Variants in LPIN1 observed in about 807,000 individuals in gnomAD.
LPIN1 encodes the protein phosphatidate phosphatase LPIN1.
In LPIN1, 71 loss-of-function variants were observed where a neutral mutation model predicts 107.5. That is an observed-to-expected ratio of 0.66 (90% CI 0.55 to 0.80). The LOEUF (loss-of-function observed/expected upper bound fraction) is 0.80. LPIN1 is among the 30% of genes least tolerant of loss of function. The probability of loss-of-function intolerance (pLI) is 0.00; values close to 1 mark genes in which losing one functional copy is unlikely to be tolerated. For synonymous variants in LPIN1, 445 were observed against 452.6 expected (o/e 0.98, Z 0.21); for missense variants, 1,043 against 1,160.6 (o/e 0.90, Z 1.47).
rs369221564 is a variant in LPIN1, at chr2:11,752,582, C to T, written c.-10+5911C>T. On this transcript the variant is annotated intron_variant, in intron 1 of 20. Transcript: ENST00000674199. Reference sequence around the variant, plus strand: ...AAGTAGCTGGGACTACAGGCGCCCGCCACTACGCCCGGCTAATTTTTTGTA... The same window carrying T: ...AAGTAGCTGGGACTACAGGCGCCCGTCACTACGCCCGGCTAATTTTTTGTA... Among the ~76,000 whole-genome samples the T allele has an allele frequency of 1.6e-3, 241 of 150,064 alleles. 4 individuals carry two copies. Among genetic ancestry groups the T allele is most frequent in the African/African-American group, 5.7e-3 (230 of 40,082 alleles).
chr2:11,697,465 G>A lies in LPIN1; in HGVS notation c.82-16291G>A, dbSNP rs534903967. Among the ~76,000 whole-genome samples, 31 of 152,214 alleles carry A rather than the reference G, an allele frequency of 2.0e-4. No individual in the cohort carries two copies. The highest frequency in any genetic ancestry group is 1.6e-3 in the Admixed American group (24 of 15,288). ...CTGTGCTCGGCTCCTGCTTCTCCCTGGTTTGGCCTAGAAGCTGGAAGTCTG... is the reference window on the plus strand; with the variant it reads ...CTGTGCTCGGCTCCTGCTTCTCCCTAGTTTGGCCTAGAAGCTGGAAGTCTG... On this transcript the variant is annotated intron_variant, in intron 1 of 21. Coordinates refer to the LPIN1 transcript ENST00000449576. This position sits in a 1 kb window ranked among gnomAD's most constrained non-coding sequence, Gnocchi z 4.6.
chr2:11,781,863 G>C (rs1184154771), intron 7 of LPIN1, among the ~76,000 whole-genome samples: 2 of 152,190 alleles, frequency 1.3e-5, no homozygotes, highest in Admixed American at 6.5e-5. Flanking sequence ...CATGTTGTTG[G>C]TGTAGCTGTA....
At chr2:11,713,014 G>T (rs958492246) in intron 1 of LPIN1, among the ~76,000 whole-genome samples, 30 of 152,292 alleles carry the variant, frequency 2.0e-4, no homozygotes, top group Admixed American at 8.5e-4. Context: ...AGGGGTTATT[G>T]TTACCCACAT....
chr2:11,787,392 C>CTTTTTTTT lies in LPIN1; in HGVS notation c.1643+230_1643+231insTTTTTTTT, dbSNP rs1219054361. Among the ~76,000 whole-genome samples the CTTTTTTTT allele has an allele frequency of 1.7e-3, 192 of 113,656 alleles. 13 individuals carry two copies. The highest frequency in any genetic ancestry group is 2.0e-3 in the African/African-American group (52 of 26,106). 74.6% of individuals were successfully genotyped at this position (113,656 alleles called of 152,430 possible). A position where few individuals can be genotyped will look rare whatever the true frequency, so the allele number is the denominator to read the frequency against. ...AGTCTTGTGAGTTTTCTTTTCTTTTCTTTTTCTTTTTTTTTTTTTTTTTTT... is the reference window on the plus strand; with the variant it reads ...AGTCTTGTGAGTTTTCTTTTCTTTTCTTTTTTTTTTTTTCTTTTTTTTTTTTTTTTTTT... On this transcript the variant is annotated intron_variant, in intron 11 of 20. Transcript: ENST00000674199.
At chr2:11,694,593 T>G (rs1219930585) in intron 1 of LPIN1, among the ~76,000 whole-genome samples, 2 of 152,226 alleles carry the variant, frequency 1.3e-5, no homozygotes, top group African/African-American at 4.8e-5. Flanking sequence ...TATATCATAA[T>G]GCACCTACCA....
At chr2:11,814,508 GTGCA>G (rs3220896) in intron 17 of LPIN1, among the ~76,000 whole-genome samples, 16 of 137,662 alleles carry the variant, frequency 1.2e-4, no homozygotes, top group African/African-American at 3.9e-4. Context: ...TTTGGTGTGT[GTGCA>G]TGTGTGTGTG....
At chr2:11,817,403 A>T (rs1180948505) in intron 18 of LPIN1, 1 of 152,166 alleles carries the variant, frequency 6.6e-6, no homozygotes, top group Non-Finnish European at 1.5e-5. Context: ...ACTTAGTTTT[A>T]TGTCATTGAA....
rs1162398182 is a variant in LPIN1, at chr2:11,824,741, G to C, written c.2731G>C (p.Glu911Gln). The C allele has an allele frequency of 6.2e-7, 1 of 1,614,056 alleles. No homozygotes were observed. Among genetic ancestry groups the C allele is most frequent in the African/African-American group, 1.3e-5 (1 of 74,910 alleles). ...CTTCAGTAACTTCACCTTTTGGAGA[G>C]AGCCACTGCCACCTTTTGAAAACCA... is the stretch of plus-strand genomic sequence containing the variant. ...DTFSNFTFWR[E>Q]PLPPFENQDI... Residue 911 changes from glutamate (E) to glutamine (Q), a missense_variant, in exon 21 of 21, where the codon GAG becomes CAG. Coordinates refer to ENST00000674199, the MANE Select transcript of LPIN1 (RefSeq NM_001349206.2).
At chr2:11,749,713 C>T (rs1005331488) in intron 1 of LPIN1, among the ~76,000 whole-genome samples, 3 of 152,184 alleles carry the variant, frequency 2.0e-5, no homozygotes, top group Non-Finnish European at 4.4e-5. Flanking sequence ...ATGCAGGGCG[C>T]GTTGTGCCGC....
At chr2:11,760,401 T>C (rs1669608062) in intron 1 of LPIN1, among the ~76,000 whole-genome samples, 1 of 152,226 alleles carries the variant, frequency 6.6e-6, no homozygotes. Flanking sequence ...CATTGAGCAC[T>C]GAGTGAACGA....
At chr2:11,778,278 G>T (rs1471056351) in intron 6 of LPIN1, among the ~76,000 whole-genome samples, 1 of 152,236 alleles carries the variant, frequency 6.6e-6, no homozygotes, top group Non-Finnish European at 1.5e-5. Context: ...GAAAGAGAGC[G>T]TGCAGGCTGC....
At position 11,824,969 on chromosome 2, in the gene LPIN1, C is replaced by A; in HGVS notation, c.*178C>A. ...CCACCCCGGGGCTGACATTTCTAAG[C>A]AAGATAGGAAGGGAGCACTTTCTAG... On this transcript the variant is annotated 3_prime_UTR_variant, in exon 21 of 21. Transcript: ENST00000674199. The A allele has an allele frequency of 1.4e-6, 1 of 694,036 alleles. No individual in the cohort carries two copies. The highest frequency in any genetic ancestry group is 2.4e-6 in the Non-Finnish European group (1 of 413,892). 43.0% of individuals were successfully genotyped at this position (694,036 alleles called of 1,614,324 possible).
chr2:11,746,587 C>T (rs1030549677), upstream of LPIN1: 53 of 978,094 alleles, frequency 5.4e-5, no homozygotes, highest in Non-Finnish European at 6.4e-5. Context: ...CCGCCCCTGC[C>T]CCGCCCCCGA....
Position 11,791,788 on chromosome 2 carries a change from A to G in LPIN1, c.1714-126A>G, listed in dbSNP as rs532095592. 1,121 of 1,505,156 alleles carry G rather than the reference A, an allele frequency of 7.4e-4. 2 individuals are homozygous for G. Among genetic ancestry groups the G allele is most frequent in the South Asian group, 1.1e-3 (92 of 81,992 alleles). 93.2% of individuals were successfully genotyped at this position (1,505,156 alleles called of 1,614,324 possible). A position where few individuals can be genotyped will look rare whatever the true frequency, so the allele number is the denominator to read the frequency against. ...CTAAAATTTTTAACGCACAAATAGT[A>G]TGTTGTGTTTTCTCTGATTTTTTTT... On this transcript the variant is annotated intron_variant, in intron 12 of 20. Coordinates refer to ENST00000674199, the MANE Select transcript of LPIN1 (RefSeq NM_001349206.2).
intron 1 of LPIN1, among the ~76,000 whole-genome samples, chr2:11,699,948 A>G (rs1454644990): frequency 2.0e-5 from 3 of 152,130 alleles, no homozygotes; most frequent in Non-Finnish European, 4.4e-5. Flanking sequence ...TAAAAAAAAA[A>G]TGGGATGTAA....
At chr2:11,743,204 C>T (rs1666546963), upstream of LPIN1, among the ~76,000 whole-genome samples, 2 of 152,360 alleles carry the variant, frequency 1.3e-5, no homozygotes, top group South Asian at 4.1e-4. The surrounding 1 kb of genome is among the most constrained non-coding windows in gnomAD (Gnocchi z 4.7). Context: ...TCCTGTGTGT[C>T]CAGCTGTCAG....
intron 1 of LPIN1, among the ~76,000 whole-genome samples, chr2:11,684,944 A>AG (rs1661923914): frequency 6.6e-6 from 1 of 151,930 alleles, no homozygotes; most frequent in Non-Finnish European, 1.5e-5. Flanking sequence ...GAATAAAACA[A>AG]ACATCCTGCC....
intron 1 of LPIN1, among the ~76,000 whole-genome samples, chr2:11,689,158 C>T (rs1352734799): frequency 6.6e-6 from 1 of 152,100 alleles, no homozygotes; most frequent in East Asian, 1.9e-4. Flanking sequence ...ATGCCAGGGC[C>T]CTATGAGACA....
intron 1 of LPIN1, among the ~76,000 whole-genome samples, chr2:11,687,148 C>T (rs1572308061): frequency 6.6e-6 from 1 of 151,976 alleles, no homozygotes; most frequent in South Asian, 2.1e-4. Flanking sequence ...CAGGTACACA[C>T]CATCATGCCC....
Sources: allele counts gnomAD v4.1 joint callset (sites outside exome capture counted in the v4.1 genomes callset), GRCh38; gene constraint gnomAD v4.1.1; non-coding constraint Gnocchi (gnomAD v3.1); transcripts MANE v1.5; gene names NCBI Gene and HGNC (gene_info 2026-07-23, HGNC 2026-07-21).